BMP6: variants seen among roughly 807,000 people sequenced by gnomAD.
The protein encoded by BMP6 is VG-1-R.
Under a neutral mutation model 54.1 loss-of-function variants are expected in BMP6, and 17 were observed. The observed-to-expected ratio is 0.31, with a 90% CI of 0.22 to 0.47. The LOEUF (loss-of-function observed/expected upper bound fraction) is 0.47. Among genes scored for constraint, BMP6 ranks in the 20% least tolerant of loss-of-function variants. The pLI, the probability that BMP6 is intolerant of heterozygous loss-of-function variation, is 1.00. For synonymous variants in BMP6, 328 were observed against 291.2 expected, an observed-to-expected ratio of 1.13 and a Z score of -1.28; for missense variants, 720 against 690.4, an observed-to-expected ratio of 1.04 and a Z score of -0.48.
chr6:7,804,549 A>G (rs753197591), intron 1 of BMP6, among the ~76,000 whole-genome samples: 2 of 152,166 alleles, frequency 1.3e-5, no homozygotes, highest in Non-Finnish European at 2.9e-5. Flanking sequence ...CTGGACTTCA[A>G]TGGGGATGAA....
chr6:7,867,450 G>A (rs1387872624), intron 4 of BMP6, among the ~76,000 whole-genome samples: 2 of 152,212 alleles, frequency 1.3e-5, no homozygotes, highest in Admixed American at 1.3e-4. Context: ...ATCCAGTCCA[G>A]ACTGGGGGTC....
chr6:7,881,676 A>AAAAAG lies in BMP6; in HGVS notation c.*1336_*1340dup, dbSNP rs1561802204. On this transcript the variant is annotated 3_prime_UTR_variant, in exon 7 of 7. Coordinates refer to ENST00000283147, the MANE Select transcript of BMP6 (RefSeq NM_001718.6). Reference sequence around the variant, plus strand: ...TCTCTAGGAGGTTGGGTTTTTTTAAAAAAAGAATTATCTGTGAACCATACG... The same window carrying AAAAAG: ...TCTCTAGGAGGTTGGGTTTTTTTAAAAAAAGAAAAGAATTATCTGTGAACCATACG... 1 of 152,154 alleles carries AAAAAG rather than the reference A, an allele frequency of 6.6e-6. No homozygotes were observed. Among genetic ancestry groups the AAAAAG allele is most frequent in the Non-Finnish European group, 1.5e-5 (1 of 68,024 alleles). 9.4% of individuals were successfully genotyped at this position (152,154 alleles called of 1,614,324 possible). A position where few individuals can be genotyped will look rare whatever the true frequency, so the allele number is the denominator to read the frequency against.
intron 1 of BMP6, among the ~76,000 whole-genome samples, chr6:7,834,210 A>G (rs2113239631): frequency 6.6e-6 from 1 of 151,018 alleles, no homozygotes; most frequent in African/African-American, 2.4e-5. Flanking sequence ...TTTTTTAGGA[A>G]AAAAAAGTAA....
chr6:7,749,145 G>A (rs1365739687), intron 1 of BMP6, among the ~76,000 whole-genome samples: 2 of 152,178 alleles, frequency 1.3e-5, no homozygotes, highest in Non-Finnish European at 1.5e-5. Flanking sequence ...TACCTCCACC[G>A]GGGAGGGGTG....
At chr6:7,764,808 G>A (rs991574816) in intron 1 of BMP6, among the ~76,000 whole-genome samples, 2 of 152,166 alleles carry the variant, frequency 1.3e-5, no homozygotes, top group African/African-American at 4.8e-5. Flanking sequence ...TACCGGAAGT[G>A]CAGGTCCCTC....
At chr6:7,771,633 T>C (rs1482713789) in intron 1 of BMP6, among the ~76,000 whole-genome samples, 1 of 152,176 alleles carries the variant, frequency 6.6e-6, no homozygotes, top group Non-Finnish European at 1.5e-5. Context: ...ATGGTCGTAT[T>C]TGCTGGCCTC....
Position 7,856,872 on chromosome 6 carries a change from A to G in BMP6, c.858-4579A>G, listed in dbSNP as rs113835059. Among the ~76,000 whole-genome samples the G allele has an allele frequency of 4.2e-3, 634 of 152,148 alleles. 4 individuals carry two copies. The highest frequency in any genetic ancestry group is 5.7e-3 in the Non-Finnish European group (390 of 68,000). ...CGGCCTCCCAAAGTGCTGGGATTACAGGCGTGAGCCACCGCGCCCGGCCTC... is the reference window on the plus strand; with the variant it reads ...CGGCCTCCCAAAGTGCTGGGATTACGGGCGTGAGCCACCGCGCCCGGCCTC... On this transcript the variant is annotated intron_variant, in intron 2 of 6. Transcript: ENST00000283147.
chr6:7,735,370 A>G (rs1761938383), intron 1 of BMP6, among the ~76,000 whole-genome samples: 1 of 152,184 alleles, frequency 6.6e-6, no homozygotes, highest in Non-Finnish European at 1.5e-5. Context: ...ATTTCTTATA[A>G]TATTAGCCTT....
At chr6:7,814,912 C>T (rs1276410846) in intron 1 of BMP6, among the ~76,000 whole-genome samples, 1 of 152,142 alleles carries the variant, frequency 6.6e-6, no homozygotes, top group Non-Finnish European at 1.5e-5. Context: ...TGCAGCAAAC[C>T]ACCGTGGCAC....
At chr6:7,786,967 G>C (rs952477994) in intron 1 of BMP6, among the ~76,000 whole-genome samples, 1 of 152,158 alleles carries the variant, frequency 6.6e-6, no homozygotes, top group Non-Finnish European at 1.5e-5. Flanking sequence ...CCCGAATCCT[G>C]GTAATGATTT....
chr6:7,744,409 G>A (rs1400216380), intron 1 of BMP6, among the ~76,000 whole-genome samples: 1 of 152,228 alleles, frequency 6.6e-6, no homozygotes, highest in South Asian at 2.1e-4. Context: ...CCAGGAGGCC[G>A]AGGTTGCAGT....
chr6:7,861,213 G>T (rs1453080748), intron 2 of BMP6, among the ~76,000 whole-genome samples: 1 of 152,162 alleles, frequency 6.6e-6, no homozygotes, highest in Admixed American at 6.5e-5. Context: ...GCCGTGTCGG[G>T]GTGAAAGCTG....
Position 7,800,077 on chromosome 6 carries a change from G to GGGGT in BMP6, c.665-45061_665-45058dup, listed in dbSNP as rs1554121683. Among the ~76,000 whole-genome samples, 10 of 125,914 alleles carry GGGGT rather than the reference G, an allele frequency of 7.9e-5. No individual in the cohort carries two copies. The South Asian group carries it at 2.5e-3, about 32-fold the overall frequency. 82.6% of individuals were successfully genotyped at this position (125,914 alleles called of 152,430 possible). On this transcript the variant is annotated intron_variant, in intron 1 of 6. Transcript: ENST00000283147. Reference sequence around the variant, plus strand: ...GATGAGTGTTATTACGATAAAGGAAGGGGTGTGTGTGTGTGTGTGTGTGTG... The same window carrying GGGGT: ...GATGAGTGTTATTACGATAAAGGAAGGGGTGGGTGTGTGTGTGTGTGTGTGTGTG...
Position 7,789,805 on chromosome 6 carries a change from T to C in BMP6, c.665-55335T>C, listed in dbSNP as rs147736388. On this transcript the variant is annotated intron_variant, in intron 1 of 6. Coordinates refer to ENST00000283147, the MANE Select transcript of BMP6 (RefSeq NM_001718.6). ...CCTATCCTTTCAAGATGAAGCAGGCTCTTTAGGCCCTCTGATACCCCTTGC... is the reference window on the plus strand; with the variant it reads ...CCTATCCTTTCAAGATGAAGCAGGCCCTTTAGGCCCTCTGATACCCCTTGC... 4.9e-3 allele frequency among the ~76,000 whole-genome samples: 748 copies of C among 152,276 alleles called. 5 individuals are homozygous for C. The highest frequency in any genetic ancestry group is 0.017 in the African/African-American group (715 of 41,550).
intron 1 of BMP6, among the ~76,000 whole-genome samples, chr6:7,838,520 T>C (rs1427244431): frequency 6.6e-6 from 1 of 152,212 alleles, no homozygotes; most frequent in African/African-American, 2.4e-5. Flanking sequence ...TGCTTTGCAA[T>C]GTGTCTCTTC....
rs1253816223 is a variant in BMP6 at position 7,822,895 on chromosome 6, GGTTGT to G, written c.665-22242_665-22238del. Among the ~76,000 whole-genome samples the G allele has an allele frequency of 4.2e-3, 612 of 144,182 alleles. 1 individual carries two copies. Among genetic ancestry groups the G allele is most frequent in the African/African-American group, 0.014 (516 of 37,570 alleles). The allele number at this position is 144,182 out of a possible 152,430, so 94.6% of individuals were successfully genotyped here. On this transcript the variant is annotated intron_variant, in intron 1 of 6. Transcript: ENST00000283147. ...CCCATGCTACAGTAGGATTGGTGCT[GGTTGT>G]GTGTGTGTGTGTGTGTGTGTGTGTG...
chr6:7,749,904 G>A (rs1266472107), intron 1 of BMP6, among the ~76,000 whole-genome samples: 1 of 152,236 alleles, frequency 6.6e-6, no homozygotes, highest in Non-Finnish European at 1.5e-5. Flanking sequence ...AAGCATCCCA[G>A]ATGGTTTTTA....
At chr6:7,742,915 C>T (rs568335530) in intron 1 of BMP6, among the ~76,000 whole-genome samples, 2 of 152,166 alleles carry the variant, frequency 1.3e-5, no homozygotes, top group Non-Finnish European at 2.9e-5. Context: ...TCTTTCCCCC[C>T]CTTCTTATCC....
chr6:7,792,015 T>C (rs1256569137), intron 1 of BMP6, among the ~76,000 whole-genome samples: 2 of 150,714 alleles, frequency 1.3e-5, no homozygotes, highest in Admixed American at 6.6e-5. Context: ...GATGGATGGA[T>C]GGATGGATGG....
Sources: allele counts gnomAD v4.1 joint callset (sites outside exome capture counted in the v4.1 genomes callset), GRCh38; gene constraint gnomAD v4.1.1; transcripts MANE v1.5; gene names NCBI Gene and HGNC (gene_info 2026-07-23, HGNC 2026-07-21).